XPR1: variants seen among roughly 807,000 people sequenced by gnomAD.
XPR1 encodes the protein solute carrier family 53 member 1.
XPR1 carries 28 observed loss-of-function variants against 87.5 expected under a neutral mutation model. That is an observed-to-expected ratio of 0.32 (90% CI 0.24 to 0.44). The LOEUF is 0.44. Among genes scored for constraint, XPR1 ranks in the 20% least tolerant of loss-of-function variants. XPR1 has a pLI of 1.00. For missense variants in XPR1, 559 were observed against 862.3 expected (o/e 0.65, Z 4.41); for synonymous variants, 300 against 306.1 (o/e 0.98, Z 0.21).
chr1:180,724,713 G>T (rs1164169951), intron 2 of XPR1, among the ~76,000 whole-genome samples: 1 of 152,112 alleles, frequency 6.6e-6, no homozygotes, highest in African/African-American at 2.4e-5. Context: ...ACGTTATTTA[G>T]CTAGAACTAA....
chr1:180,721,774 A>G (rs1658186723), intron 2 of XPR1, among the ~76,000 whole-genome samples: 1 of 152,180 alleles, frequency 6.6e-6, no homozygotes, highest in African/African-American at 2.4e-5. Context: ...AAAGATTTTT[A>G]TAGTAACCAC....
At chr1:180,806,678 T>A in intron 6 of XPR1, 121 bp downstream of exon 6, 1 of 759,788 alleles carries the variant, frequency 1.3e-6, no homozygotes, top group South Asian at 2.5e-5. Flanking sequence ...TTGCTATTTT[T>A]CTTATTTTAG....
At position 180,693,524 on chromosome 1, in the gene XPR1, C is replaced by T. The variant is rs80208283; in HGVS notation, c.121+11113C>T. 1.7e-3 allele frequency among the ~76,000 whole-genome samples: 258 copies of T among 152,320 alleles called. 1 individual carries two copies. Among genetic ancestry groups the T allele is most frequent in the African/African-American group, 5.8e-3 (242 of 41,566 alleles). ...GATAACCTCTTGCATTAGTTTCCTT[C>T]GGTTGCTGTAAAAACCACAGACCTG... On this transcript the variant is annotated intron_variant, in intron 2 of 14. Transcript: ENST00000367590.
chr1:180,879,490 C>T (rs1460603207), intron 13 of XPR1, among the ~76,000 whole-genome samples: 1 of 152,206 alleles, frequency 6.6e-6, no homozygotes, highest in African/African-American at 2.4e-5. Flanking sequence ...ACTGACCTTG[C>T]TGTTGTTTCC....
chr1:180,702,683 A>G (rs1006804653), intron 2 of XPR1, among the ~76,000 whole-genome samples: 16 of 151,904 alleles, frequency 1.1e-4, no homozygotes, highest in African/African-American at 3.9e-4. Context: ...CATTCCGATC[A>G]TGAATTATTT....
chr1:180,741,962 T>C (rs1658935882), intron 2 of XPR1, among the ~76,000 whole-genome samples: 1 of 152,190 alleles, frequency 6.6e-6, no homozygotes, highest in African/African-American at 2.4e-5. Context: ...TCAGTATCCT[T>C]GAATGTCTGC....
intron 2 of XPR1, among the ~76,000 whole-genome samples, chr1:180,716,315 C>G (rs1438619444): frequency 2.6e-5 from 4 of 151,990 alleles, no homozygotes; most frequent in Non-Finnish European, 4.4e-5. Flanking sequence ...TCTTGAACTC[C>G]TCGCCTCAGG....
intron 2 of XPR1, among the ~76,000 whole-genome samples, chr1:180,696,753 C>T (rs1002579763): frequency 2.6e-5 from 4 of 151,916 alleles, no homozygotes; most frequent in Admixed American, 6.6e-5. Context: ...GATGAGCATA[C>T]GGTTTTTGTT....
intron 2 of XPR1, among the ~76,000 whole-genome samples, chr1:180,733,650 C>T (rs1251991218): frequency 1.3e-5 from 2 of 152,088 alleles, no homozygotes; most frequent in East Asian, 3.9e-4. Context: ...GTAAAAGGAA[C>T]CTATTTTGAG....
At chr1:180,659,381 G>GTCCGTCCTTCCT (rs1655675728) in intron 1 of XPR1, among the ~76,000 whole-genome samples, 4 of 55,396 alleles carry the variant, frequency 7.2e-5, no homozygotes, top group Non-Finnish European at 1.4e-4. Context: ...CCGTCCTTCC[G>GTCCGTCCTTCCT]TCCTTCCTTC....
At chr1:180,774,794 T>C (rs988231861) in intron 2 of XPR1, among the ~76,000 whole-genome samples, 3 of 152,176 alleles carry the variant, frequency 2.0e-5, no homozygotes, top group Non-Finnish European at 4.4e-5. Flanking sequence ...GTCCATCCTT[T>C]CTGCTATAAC....
intron 2 of XPR1, among the ~76,000 whole-genome samples, chr1:180,683,451 C>T (rs1336311105): frequency 2.6e-5 from 4 of 152,056 alleles, no homozygotes; most frequent in Non-Finnish European, 5.9e-5. Flanking sequence ...TTTATAGCAG[C>T]GTGATTTATA....
At chr1:180,806,027 G>A in intron 4 of XPR1, 35 bp from the exon 5 acceptor site, 2 of 1,599,644 alleles carry the variant, frequency 1.3e-6, no homozygotes, top group Non-Finnish European at 1.7e-6. Flanking sequence ...GATGGTAGTA[G>A]AAATTATAGT....
chr1:180,790,516 G>A (rs1022240625), intron 3 of XPR1, among the ~76,000 whole-genome samples: 4 of 152,102 alleles, frequency 2.6e-5, no homozygotes, highest in South Asian at 2.1e-4. Context: ...CAGGATACAG[G>A]CACCTAGAAG....
rs1653005223 is a variant in XPR1 at position 180,886,211 on chromosome 1, T to A, written c.*2145T>A. The A allele has an allele frequency of 1.3e-5, 2 of 152,232 alleles. No homozygotes were observed. The highest frequency in any genetic ancestry group is 1.3e-4 in the Admixed American group (2 of 15,282). The allele number at this position is 152,232 out of a possible 1,614,324, so 9.4% of individuals were successfully genotyped here. A position where few individuals can be genotyped will look rare whatever the true frequency, so the allele number is the denominator to read the frequency against. The stretch of plus-strand genomic sequence containing the variant: ...ATTTTTTTCCCCTAACTATTCTGTT[T>A]TTTGTACTTTAAAACTATGGGGGAA... On this transcript the variant is annotated 3_prime_UTR_variant, in exon 15 of 15. Coordinates refer to ENST00000367590, the MANE Select transcript of XPR1 (RefSeq NM_004736.4).
chr1:180,836,085 G>T (rs1052036602), intron 10 of XPR1, among the ~76,000 whole-genome samples: 1 of 152,038 alleles, frequency 6.6e-6, no homozygotes, highest in Non-Finnish European at 1.5e-5. Flanking sequence ...TAGACTGGGC[G>T]CAGTGGCTCA....
chr1:180,756,540 T>G (rs1446071487), intron 2 of XPR1, among the ~76,000 whole-genome samples: 1 of 152,220 alleles, frequency 6.6e-6, no homozygotes. Context: ...CTTCGTCAGT[T>G]GTATTGGCAA....
intron 11 of XPR1, among the ~76,000 whole-genome samples, chr1:180,849,669 C>G (rs558844973): frequency 1.3e-5 from 2 of 152,286 alleles, no homozygotes; most frequent in Non-Finnish European, 1.5e-5. Flanking sequence ...TCTTAGCAGT[C>G]AAGTGATGAA....
chr1:180,811,869 G>A (rs1305276853), intron 7 of XPR1, among the ~76,000 whole-genome samples: 1 of 152,094 alleles, frequency 6.6e-6, no homozygotes, highest in Non-Finnish European at 1.5e-5. Context: ...GCTTATTGGA[G>A]ACCCTCTCGC....
Sources: gnomAD v4.1 joint callset for allele counts (sites outside exome capture counted in the v4.1 genomes callset) on GRCh38, gnomAD v4.1.1 for gene constraint, MANE v1.5 for transcripts, NCBI Gene and HGNC (gene_info 2026-07-23, HGNC 2026-07-21) for gene names.